The following RGS6 variants were observed in gnomAD, a reference collection of about 807,000 sequenced individuals.
RGS6 encodes regulator of G protein signaling 6.
In RGS6, 30 loss-of-function variants were observed where a neutral mutation model predicts 78.5. The observed-to-expected ratio is 0.38, with a 90% CI of 0.29 to 0.52. The LOEUF is 0.52. RGS6 is among the 20% of genes least tolerant of loss of function. RGS6 has a pLI of 0.85. For synonymous variants in RGS6, 206 were observed against 206.0 expected (o/e 1.00, Z 0.00); for missense variants, 495 against 609.7 (o/e 0.81, Z 1.98).
chr14:72,192,981 T>G (rs1003475591), intron 2 of RGS6, among the ~76,000 whole-genome samples: 3 of 76,710 alleles, frequency 3.9e-5, no homozygotes, highest in East Asian at 9.9e-4. Context: ...CTGGGTTGGG[T>G]TTTTTTTTTT....
chr14:71,950,892 TA>T lies in RGS6; in HGVS notation c.-20-13875del, dbSNP rs931188585. Reference sequence around the variant, plus strand: ...TCACACCAGTCAGAATGGTGATTATTAAAAATTCAAGAAACAACATGCTGGC... The same window carrying T: ...TCACACCAGTCAGAATGGTGATTATTAAAATTCAAGAAACAACATGCTGGC... On this transcript the variant is annotated intron_variant, in intron 1 of 17. Coordinates refer to ENST00000553525, the MANE Select transcript of RGS6 (RefSeq NM_001204424.2). 5.9e-5 allele frequency among the ~76,000 whole-genome samples: 9 copies of T among 152,052 alleles called. 1 individual carries two copies. The East Asian group carries it at 1.7e-3, about 29-fold the overall frequency.
chr14:71,886,797 A>G, the RGS6 span, among the ~76,000 whole-genome samples: 1 of 152,192 alleles, frequency 6.6e-6, no homozygotes, highest in African/African-American at 2.4e-5. Flanking sequence ...TCAGTTAGAG[A>G]TTGCTCTTCC....
At chr14:71,944,962 C>G (rs2091284325) in intron 1 of RGS6, among the ~76,000 whole-genome samples, 1 of 152,086 alleles carries the variant, frequency 6.6e-6, no homozygotes, top group African/African-American at 2.4e-5. Context: ...GTGTTTTGTA[C>G]TTAAATATAT....
chr14:72,411,118 T>C (rs1395326993), intron 3 of RGS6, among the ~76,000 whole-genome samples: 1 of 152,254 alleles, frequency 6.6e-6, no homozygotes, highest in African/African-American at 2.4e-5. Flanking sequence ...AAGTCATTGG[T>C]AGCTTGATGG....
At chr14:72,221,599 A>G (rs1020387461) in intron 2 of RGS6, among the ~76,000 whole-genome samples, 5 of 152,226 alleles carry the variant, frequency 3.3e-5, no homozygotes, top group Admixed American at 3.3e-4. Context: ...GACGACAATC[A>G]CTTTTACTTT....
At chr14:72,347,268 A>C (rs1305272690) in intron 2 of RGS6, among the ~76,000 whole-genome samples, 1 of 152,184 alleles carries the variant, frequency 6.6e-6, no homozygotes, top group Non-Finnish European at 1.5e-5. Flanking sequence ...ATACCTTCCC[A>C]TCACCCCATC....
In RGS6 at chr14:72,358,573, A is replaced by G. The variant is rs552855244; in HGVS notation, c.184+6379A>G. Among the ~76,000 whole-genome samples the G allele has an allele frequency of 5.3e-5, 8 of 152,344 alleles. No homozygotes were observed. In the South Asian group the frequency reaches 1.7e-3, roughly 32 times the overall value. On this transcript the variant is annotated intron_variant, in intron 3 of 17. Coordinates refer to ENST00000553525, the MANE Select transcript of RGS6 (RefSeq NM_001204424.2). ...TAATTAGTTACCTATTGGATTTCAGACTTGCATGGGGCCTGTAGCCCCTTT... is the reference window on the plus strand; with the variant it reads ...TAATTAGTTACCTATTGGATTTCAGGCTTGCATGGGGCCTGTAGCCCCTTT...
intron 2 of RGS6, among the ~76,000 whole-genome samples, chr14:72,257,711 G>A (rs937059728): frequency 6.6e-6 from 1 of 152,174 alleles, no homozygotes; most frequent in African/African-American, 2.4e-5. Flanking sequence ...GAGGAGCCCT[G>A]AGGATTGGTC....
At chr14:72,234,196 A>G (rs1246903031) in intron 2 of RGS6, among the ~76,000 whole-genome samples, 2 of 151,956 alleles carry the variant, frequency 1.3e-5, no homozygotes, top group Non-Finnish European at 2.9e-5. Flanking sequence ...GAAGGCAAGC[A>G]GTTAAGACAG....
chr14:72,132,781 GTTTT>G (rs767770941), intron 2 of RGS6, among the ~76,000 whole-genome samples: 1 of 132,646 alleles, frequency 7.5e-6, no homozygotes, highest in Non-Finnish European at 1.6e-5. Context: ...TTTGTTTGTC[GTTTT>G]TTTTTTTTTT....
chr14:72,104,231 C>T (rs1361752332), intron 2 of RGS6, among the ~76,000 whole-genome samples: 1 of 152,152 alleles, frequency 6.6e-6, no homozygotes, highest in Non-Finnish European at 1.5e-5. Context: ...CGGGGATCCC[C>T]AGCTGTCCCA....
intron 3 of RGS6, among the ~76,000 whole-genome samples, chr14:72,398,543 C>G (rs936922890): frequency 8.5e-5 from 13 of 152,196 alleles, no homozygotes; most frequent in Non-Finnish European, 1.8e-4. Context: ...TTTTGTGTCT[C>G]TATTTCCTTC....
At chr14:72,286,178 T>C (rs1203891722) in intron 2 of RGS6, among the ~76,000 whole-genome samples, 1 of 152,256 alleles carries the variant, frequency 6.6e-6, no homozygotes, top group Non-Finnish European at 1.5e-5. Context: ...TACTTTGAGT[T>C]GATTTTTATA....
chr14:71,930,365 C>T (rs932023369), upstream of RGS6, among the ~76,000 whole-genome samples: 8 of 151,998 alleles, frequency 5.3e-5, no homozygotes, highest in Admixed American at 2.0e-4. Flanking sequence ...TTGGCCATGT[C>T]AGCAAAAAAT....
At chr14:72,571,626 A>T in the RGS6 span, among the ~76,000 whole-genome samples, 1 of 152,264 alleles carries the variant, frequency 6.6e-6, no homozygotes, top group Non-Finnish European at 1.5e-5. Flanking sequence ...AAACAGAAGT[A>T]GAAAAATGAA....
the RGS6 span, among the ~76,000 whole-genome samples, chr14:72,579,658 C>T: frequency 2.6e-5 from 4 of 152,172 alleles, no homozygotes; most frequent in Non-Finnish European, 5.9e-5. Flanking sequence ...ACGCTGGCTG[C>T]TCAACACTCA....
chr14:72,397,719 A>G (rs11520370), intron 3 of RGS6, among the ~76,000 whole-genome samples: 9 of 152,172 alleles, frequency 5.9e-5, no homozygotes, highest in African/African-American at 1.9e-4. Flanking sequence ...TTTGAGATAC[A>G]TCCCATCAAT....
At chr14:72,453,615 C>CAA (rs60280790) in intron 3 of RGS6, among the ~76,000 whole-genome samples, 1,741 of 51,590 alleles carry the variant, frequency 0.034, 167 homozygotes, top group African/African-American at 0.09. Flanking sequence ...GACTCCGTCT[C>CAA]AAAAAAAAAA....
At chr14:72,162,792 A>G (rs1031385343) in intron 2 of RGS6, among the ~76,000 whole-genome samples, 1 of 152,102 alleles carries the variant, frequency 6.6e-6, no homozygotes, top group East Asian at 1.9e-4. Flanking sequence ...TGAGATACAC[A>G]TATATATATA....
Sources: gnomAD v4.1 joint callset for allele counts (sites outside exome capture counted in the v4.1 genomes callset) on GRCh38, gnomAD v4.1.1 for gene constraint, MANE v1.5 for transcripts, NCBI Gene and HGNC (gene_info 2026-07-23, HGNC 2026-07-21) for gene names.